The following PCDH9 variants were observed in gnomAD, a reference collection of about 807,000 sequenced individuals.
PCDH9 encodes the protein protocadherin-9.
In PCDH9, 24 loss-of-function variants were observed where a neutral mutation model predicts 70.6. That is an observed-to-expected ratio of 0.34 (90% CI 0.25 to 0.48). PCDH9 has a LOEUF of 0.48. Among genes scored for constraint, PCDH9 ranks in the 20% least tolerant of loss-of-function variants. The pLI is 0.99. For synonymous variants in PCDH9, 562 were observed against 558.5 expected (o/e 1.01, Z -0.09); for missense variants, 1,281 against 1,503.6 (o/e 0.85, Z 2.45).
At chr13:66,664,087 C>A (rs2078058965) in intron 3 of PCDH9, among the ~76,000 whole-genome samples, 1 of 152,178 alleles carries the variant, frequency 6.6e-6, no homozygotes, top group African/African-American at 2.4e-5. Context: ...TCCCTTTTGC[C>A]ACATACAAAG....
chr13:67,226,220 G>A lies in PCDH9; in HGVS notation c.2221C>T (p.Pro741Ser). ...TGCAATCCCACATCAGTAGGTGCTG[G>A]TTTTTCTTCCAGAGTAATGTTACCT... is the stretch of plus-strand genomic sequence containing the variant. ...VTGNITLEEK[P>S]APTDVGLHRL... is the part of the protein sequence containing the mutation. Residue 741 changes from proline to serine, a missense_variant, in exon 2 of 5, where the codon CCA becomes TCA. By Grantham distance (74) the Pro-to-Ser change is moderately conservative. Transcript: ENST00000377865. The surrounding 1 kb of genome is among the most constrained non-coding windows in gnomAD (Gnocchi z 5.0). The A allele has an allele frequency of 1.9e-6, 3 of 1,614,096 alleles. No individual in the cohort carries two copies. Among genetic ancestry groups the A allele is most frequent in the Non-Finnish European group, 2.5e-6 (3 of 1,180,002 alleles).
At chr13:66,406,099 A>G (rs1341773376) in intron 4 of PCDH9, among the ~76,000 whole-genome samples, 1 of 152,120 alleles carries the variant, frequency 6.6e-6, no homozygotes, top group Admixed American at 6.6e-5. Context: ...TGTGGATAGT[A>G]AAAGGTACAA....
chr13:66,344,551 C>T (rs1956184284), intron 4 of PCDH9, among the ~76,000 whole-genome samples: 1 of 152,084 alleles, frequency 6.6e-6, no homozygotes, highest in African/African-American at 2.4e-5. Flanking sequence ...ATGAGTCTTA[C>T]CATAACAAAA....
intron 4 of PCDH9, among the ~76,000 whole-genome samples, chr13:66,537,632 G>A (rs1960765698): frequency 6.6e-6 from 1 of 152,036 alleles, no homozygotes; most frequent in Admixed American, 6.6e-5. Context: ...CAAGGAAAGA[G>A]CTTAGGTCTG....
intron 4 of PCDH9, among the ~76,000 whole-genome samples, chr13:66,426,200 A>G (rs2138362816): frequency 6.6e-6 from 1 of 151,520 alleles, no homozygotes; most frequent in East Asian, 1.9e-4. Flanking sequence ...TTTTCTCTCT[A>G]TTGAACTCAT....
intron 2 of PCDH9, among the ~76,000 whole-genome samples, chr13:67,118,941 A>G (rs532892536): frequency 6.6e-6 from 1 of 152,310 alleles, no homozygotes; most frequent in East Asian, 1.9e-4. Flanking sequence ...ATGACCTGGC[A>G]TGCATCATAT....
intron 2 of PCDH9, among the ~76,000 whole-genome samples, chr13:67,008,563 T>C (rs1224608425): frequency 6.6e-6 from 1 of 152,156 alleles, no homozygotes; most frequent in Non-Finnish European, 1.5e-5. Context: ...AGAGTCAGCA[T>C]ATTCAAAACA....
intron 4 of PCDH9, among the ~76,000 whole-genome samples, chr13:66,445,761 A>G (rs1958075553): frequency 6.8e-6 from 1 of 146,270 alleles, no homozygotes; most frequent in Admixed American, 7.0e-5. Context: ...TATATAATAC[A>G]TACACATATA....
chr13:67,139,086 C>T (rs984932378), intron 2 of PCDH9, among the ~76,000 whole-genome samples: 11 of 152,164 alleles, frequency 7.2e-5, no homozygotes, highest in African/African-American at 2.7e-4. Flanking sequence ...TCAATCCTAT[C>T]ACATGTGCAC....
chr13:66,500,773 T>C (rs531882342), intron 4 of PCDH9, among the ~76,000 whole-genome samples: 36 of 152,278 alleles, frequency 2.4e-4, no homozygotes, highest in African/African-American at 8.2e-4. Flanking sequence ...TCTATTTTAT[T>C]TCTATCATCT....
chr13:66,649,131 G>A (rs1380662745), intron 3 of PCDH9, among the ~76,000 whole-genome samples: 1 of 152,096 alleles, frequency 6.6e-6, no homozygotes, highest in African/African-American at 2.4e-5. Flanking sequence ...GTTTGGGGGA[G>A]AAGGTTATTC....
chr13:67,174,642 T>C (rs901525084), intron 2 of PCDH9, among the ~76,000 whole-genome samples: 2 of 152,158 alleles, frequency 1.3e-5, no homozygotes, highest in Admixed American at 1.3e-4. Context: ...ACTTACTTTG[T>C]TTTAATGTCA....
At chr13:66,615,349 A>G (rs2077342707) in intron 4 of PCDH9, among the ~76,000 whole-genome samples, 1 of 152,192 alleles carries the variant, frequency 6.6e-6, no homozygotes, top group African/African-American at 2.4e-5. Flanking sequence ...TATTTGCTCC[A>G]AAATTGTATG....
At chr13:66,653,857 A>T (rs2077887327) in intron 3 of PCDH9, among the ~76,000 whole-genome samples, 1 of 151,892 alleles carries the variant, frequency 6.6e-6, no homozygotes. Flanking sequence ...AGTCCCAGCT[A>T]CTTGGCAGGC....
intron 3 of PCDH9, among the ~76,000 whole-genome samples, chr13:66,845,132 G>T (rs2081185124): frequency 1.3e-5 from 2 of 152,158 alleles, no homozygotes; most frequent in South Asian, 4.1e-4. Flanking sequence ...TGGCTTGAAG[G>T]TGGGGCTTCA....
intron 3 of PCDH9, among the ~76,000 whole-genome samples, chr13:66,789,471 A>G (rs1327066563): frequency 6.6e-6 from 1 of 152,150 alleles, no homozygotes; most frequent in African/African-American, 2.4e-5. Context: ...GTCTCTATAC[A>G]ATATGGCACA....
chr13:66,500,393 A>G (rs554877981), intron 4 of PCDH9, among the ~76,000 whole-genome samples: 1 of 152,182 alleles, frequency 6.6e-6, no homozygotes, highest in Non-Finnish European at 1.5e-5. Flanking sequence ...TTTTGACAAC[A>G]TGGATGAACC....
intron 3 of PCDH9, among the ~76,000 whole-genome samples, chr13:66,790,792 ATATTATTAATC>A (rs983046155): frequency 7.2e-5 from 11 of 152,096 alleles, no homozygotes; most frequent in African/African-American, 2.7e-4. Context: ...ATCCTTAGCC[ATATTATTAATC>A]TATGAAACTT....
chr13:66,429,896 G>A (rs558708300), intron 4 of PCDH9, among the ~76,000 whole-genome samples: 79 of 152,070 alleles, frequency 5.2e-4, no homozygotes, highest in African/African-American at 1.7e-3. Flanking sequence ...CTATGAAGTG[G>A]AATGCAAATG....
Sources: gnomAD v4.1 joint callset for allele counts (sites outside exome capture counted in the v4.1 genomes callset) on GRCh38, gnomAD v4.1.1 for gene constraint, Gnocchi (gnomAD v3.1) non-coding constraint, MANE v1.5 for transcripts, NCBI Gene and HGNC (gene_info 2026-07-23, HGNC 2026-07-21) for gene names.